The following MKLN1 variants were observed in gnomAD, a reference collection of about 807,000 sequenced individuals.
MKLN1 encodes muskelin.
In MKLN1, 18 loss-of-function variants were observed where a neutral mutation model predicts 99.0. That is an observed-to-expected ratio of 0.18 (90% CI 0.13 to 0.27). The LOEUF (loss-of-function observed/expected upper bound fraction) is 0.27, where lower values mean the gene tolerates loss of function less well. MKLN1 is among the 10% of genes least tolerant of loss of function. The pLI is 1.00. For synonymous variants in MKLN1, 288 were observed against 293.2 expected, an observed-to-expected ratio of 0.98 and a Z score of 0.18; for missense variants, 621 against 875.9, an observed-to-expected ratio of 0.71 and a Z score of 3.67.
At chr7:131,137,924 ACT>A (rs1795674130) in intron 1 of MKLN1, among the ~76,000 whole-genome samples, 1 of 40,472 alleles carries the variant, frequency 2.5e-5, no homozygotes, top group Non-Finnish European at 4.8e-5. Context: ...TTCTTTCTTT[ACT>A]TTTTTTTTTT....
At chr7:131,247,416 A>G (rs930974293) in intron 3 of MKLN1, among the ~76,000 whole-genome samples, 17 of 151,854 alleles carry the variant, frequency 1.1e-4, no homozygotes, top group African/African-American at 3.9e-4. Flanking sequence ...GGGTTTCACC[A>G]TGTTGGTCAG....
At chr7:131,405,462 G>A (rs887283528) in intron 6 of MKLN1, among the ~76,000 whole-genome samples, 6 of 152,026 alleles carry the variant, frequency 3.9e-5, no homozygotes, top group African/African-American at 1.4e-4. Flanking sequence ...CTTGACTTAT[G>A]CTCTGTTTAC....
intron 8 of MKLN1, among the ~76,000 whole-genome samples, chr7:131,427,961 C>T (rs186339066): frequency 6.6e-6 from 1 of 152,080 alleles, no homozygotes; most frequent in African/African-American, 2.4e-5. Flanking sequence ...GCCAGGAGTT[C>T]AATACCATCC....
At chr7:131,343,948 C>T (rs1799481891) in intron 1 of MKLN1, among the ~76,000 whole-genome samples, 1 of 151,812 alleles carries the variant, frequency 6.6e-6, no homozygotes, top group South Asian at 2.1e-4. Flanking sequence ...ATTGGGTTGC[C>T]ACATGTAAGT....
At chr7:131,253,091 A>C (rs2116519568) in intron 3 of MKLN1, among the ~76,000 whole-genome samples, 1 of 152,298 alleles carries the variant, frequency 6.6e-6, no homozygotes, top group South Asian at 2.1e-4. Flanking sequence ...TTTTTAAGAC[A>C]ACCATTTAAA....
intron 9 of MKLN1, 152 bp from the exon 10 acceptor site, chr7:131,437,633 T>G (rs1795711920): frequency 3.2e-6 from 2 of 625,424 alleles, no homozygotes; most frequent in Non-Finnish European, 5.5e-6. Context: ...AAGCCTAGTG[T>G]TGGACTCATA....
At chr7:131,366,790 C>A (rs565053401) in intron 1 of MKLN1, among the ~76,000 whole-genome samples, 1 of 151,982 alleles carries the variant, frequency 6.6e-6, no homozygotes, top group Non-Finnish European at 1.5e-5. Flanking sequence ...CCAGCCTGGG[C>A]GACAGAGTGA....
chr7:131,280,226 T>C (rs1798031188), intron 3 of MKLN1, among the ~76,000 whole-genome samples: 1 of 152,228 alleles, frequency 6.6e-6, no homozygotes, highest in Non-Finnish European at 1.5e-5. Flanking sequence ...ACATGGATTG[T>C]TTTCACGTTA....
chr7:131,327,728 G>A, upstream of MKLN1: 5 of 1,229,992 alleles, frequency 4.1e-6, no homozygotes, highest in Non-Finnish European at 5.4e-6. Flanking sequence ...AGCGAGCGAC[G>A]TGGGAAACCC....
chr7:131,172,077 A>T (rs1796223577), intron 2 of MKLN1, among the ~76,000 whole-genome samples: 1 of 152,130 alleles, frequency 6.6e-6, no homozygotes, highest in Admixed American at 6.5e-5. Flanking sequence ...GCCTTCGAAG[A>T]GTTGATCTGG....
rs941665979 is a variant in MKLN1, at chr7:131,491,991, T to G, written c.*4263T>G. ...ATTTATGACAAGAGAATAATGAAAT[T>G]CATAAGAAATTAATAACATTCAGAT... On this transcript the variant is annotated 3_prime_UTR_variant, in exon 18 of 18. Coordinates refer to ENST00000352689, the MANE Select transcript of MKLN1 (RefSeq NM_013255.5). 1 of 152,302 alleles carries G rather than the reference T, an allele frequency of 6.6e-6. No individual in the cohort carries two copies. Among genetic ancestry groups the G allele is most frequent in the Non-Finnish European group, 1.5e-5 (1 of 68,022 alleles). 9.4% of individuals were successfully genotyped at this position (152,302 alleles called of 1,614,324 possible). A position where few individuals can be genotyped will look rare whatever the true frequency, so the allele number is the denominator to read the frequency against.
At chr7:131,336,665 A>T (rs939567677) in intron 1 of MKLN1, among the ~76,000 whole-genome samples, 14 of 152,100 alleles carry the variant, frequency 9.2e-5, no homozygotes, top group African/African-American at 3.4e-4. Flanking sequence ...TTGCATATTC[A>T]TTAGGATTTT....
chr7:131,300,724 T>C (rs1045331797), intron 3 of MKLN1, among the ~76,000 whole-genome samples: 1 of 148,088 alleles, frequency 6.8e-6, no homozygotes, highest in Non-Finnish European at 1.5e-5. Context: ...AAAAAAAGAA[T>C]GTGGAATCTC....
In MKLN1 at chr7:131,487,591, G is replaced by A; in HGVS notation, c.2087-16G>A. 2 of 1,608,700 alleles carry A rather than the reference G, an allele frequency of 1.2e-6. No individual in the cohort carries two copies. The highest frequency in any genetic ancestry group is 1.7e-5 in the Admixed American group (1 of 59,248). ...TTTTAAACACAATGGATGTTTCTTT[G>A]TATCTTCTTCACCAGGCTTTTCTGA... On this transcript the variant is annotated splice_polypyrimidine_tract_variant and intron_variant, in intron 17 of 17. Coordinates refer to ENST00000352689, the MANE Select transcript of MKLN1 (RefSeq NM_013255.5). This position sits in a 1 kb window ranked among gnomAD's most constrained non-coding sequence, Gnocchi z 4.7.
At chr7:131,295,861 G>A (rs974020929) in intron 3 of MKLN1, among the ~76,000 whole-genome samples, 1 of 149,662 alleles carries the variant, frequency 6.7e-6, no homozygotes, top group Non-Finnish European at 1.5e-5. Flanking sequence ...CTCCAGCCTG[G>A]GTAACAGAGC....
chr7:131,279,871 G>A (rs776053296), intron 3 of MKLN1, among the ~76,000 whole-genome samples: 32 of 151,996 alleles, frequency 2.1e-4, no homozygotes, highest in South Asian at 1.7e-3. Flanking sequence ...TAATACTATT[G>A]TGCAACCATC....
chr7:131,448,372 A>G (rs1156584354), intron 12 of MKLN1, among the ~76,000 whole-genome samples: 2 of 152,244 alleles, frequency 1.3e-5, no homozygotes, highest in Admixed American at 6.5e-5. Context: ...AGTATCGACA[A>G]TTATTCTTCA....
chr7:131,322,479 G>A (rs908783112), intron 3 of MKLN1, among the ~76,000 whole-genome samples: 1 of 152,116 alleles, frequency 6.6e-6, no homozygotes, highest in Non-Finnish European at 1.5e-5. Flanking sequence ...TAAAATCAGG[G>A]TGGAAGGTGA....
intron 2 of MKLN1, among the ~76,000 whole-genome samples, chr7:131,383,847 G>A (rs13237274): frequency 0.18 from 27,680 of 152,034 alleles, 3,037 homozygotes; most frequent in Admixed American, 0.32. Context: ...TTTAGTCCAA[G>A]TCTCCTTCAT....
Sources: allele counts gnomAD v4.1 joint callset (sites outside exome capture counted in the v4.1 genomes callset), GRCh38; gene constraint gnomAD v4.1.1; non-coding constraint Gnocchi (gnomAD v3.1); transcripts MANE v1.5; gene names NCBI Gene and HGNC (gene_info 2026-07-23, HGNC 2026-07-21).